CSMD1: variants seen among roughly 807,000 people sequenced by gnomAD.
The protein encoded by CSMD1 is CUB and Sushi multiple domains 1.
Under a neutral mutation model 417.5 loss-of-function variants are expected in CSMD1, and 213 were observed. The observed-to-expected ratio is 0.51, with a 90% CI of 0.46 to 0.57. The LOEUF is 0.57. Ranked by LOEUF, CSMD1 falls within the 20% of genes least tolerant of loss-of-function variation. CSMD1 has a pLI of 0.00. For missense variants in CSMD1, 6,923 were observed against 4,529.7 expected (o/e 1.53, Z -15.17); for synonymous variants, 2,862 against 1,736.8 (o/e 1.65, Z -16.11).
intron 1 of CSMD1, among the ~76,000 whole-genome samples, chr8:4,913,239 G>A (rs4311669): frequency 0.98 from 149,944 of 152,316 alleles, 73,840 homozygotes; most frequent in East Asian, 1. Flanking sequence ...ACTCCGTCAC[G>A]CAACACAAGT....
intron 3 of CSMD1, among the ~76,000 whole-genome samples, chr8:4,197,317 AC>A (rs1336466747): frequency 6.6e-6 from 1 of 152,242 alleles, no homozygotes; most frequent in African/African-American, 2.4e-5. Context: ...TTATACAACA[AC>A]CTGACTTGGC....
chr8:4,300,612 C>T (rs778533223), intron 3 of CSMD1, among the ~76,000 whole-genome samples: 1 of 152,052 alleles, frequency 6.6e-6, no homozygotes, highest in Non-Finnish European at 1.5e-5. Flanking sequence ...TATACATGTG[C>T]CATGCTGGTG....
chr8:4,365,901 A>G (rs757115162), intron 3 of CSMD1, among the ~76,000 whole-genome samples: 8 of 152,196 alleles, frequency 5.3e-5, no homozygotes, highest in Non-Finnish European at 8.8e-5. Flanking sequence ...AAAATATTTC[A>G]TCTTTAAAGT....
chr8:3,776,828 A>G (rs1798917115), intron 5 of CSMD1, among the ~76,000 whole-genome samples: 1 of 151,488 alleles, frequency 6.6e-6, no homozygotes, highest in African/African-American at 2.4e-5. Flanking sequence ...ATATATACAG[A>G]TGACAGATCA....
chr8:3,620,444 T>C (rs1478541868), intron 7 of CSMD1, among the ~76,000 whole-genome samples: 3 of 152,162 alleles, frequency 2.0e-5, no homozygotes, highest in Non-Finnish European at 4.4e-5. Context: ...TATTTAAAGA[T>C]AAATGCATAA....
chr8:4,055,978 C>G (rs1289311943), intron 3 of CSMD1, among the ~76,000 whole-genome samples: 1 of 151,984 alleles, frequency 6.6e-6, no homozygotes, highest in Non-Finnish European at 1.5e-5. Flanking sequence ...GAGTTTTCCC[C>G]TACTAGAAGG....
intron 11 of CSMD1, among the ~76,000 whole-genome samples, chr8:3,487,107 G>C (rs1398619323): frequency 6.6e-6 from 1 of 152,210 alleles, no homozygotes; most frequent in Admixed American, 6.5e-5. Flanking sequence ...AGAAGGCTAA[G>C]AGTGTACTAG....
chr8:4,603,936 A>G (rs963748982), intron 2 of CSMD1, among the ~76,000 whole-genome samples: 1 of 152,144 alleles, frequency 6.6e-6, no homozygotes, highest in Admixed American at 6.6e-5. Flanking sequence ...TTTGTAAATG[A>G]TCACTAATGT....
At position 3,511,753 on chromosome 8, in the gene CSMD1, C is replaced by G. The variant is rs547966956; in HGVS notation, c.1345-18027G>C. 3.1e-3 allele frequency among the ~76,000 whole-genome samples: 322 copies of G among 104,760 alleles called. 8 individuals are homozygous for G. The highest frequency in any genetic ancestry group is 0.012 in the African/African-American group (307 of 24,738). The allele number at this position is 104,760 out of a possible 152,430, so 68.7% of individuals were successfully genotyped here. On this transcript the variant is annotated intron_variant, in intron 10 of 69. Coordinates refer to ENST00000635120, the MANE Select transcript of CSMD1 (RefSeq NM_033225.6). ...CAGGGGTGACAGAGTGAGACTCCAT[C>G]TCTAAAAAAATAACATAACATAACA...
chr8:4,149,588 C>A (rs186911346), intron 3 of CSMD1, among the ~76,000 whole-genome samples: 338 of 152,260 alleles, frequency 2.2e-3, no homozygotes, highest in African/African-American at 7.7e-3. Context: ...CAGATTTATG[C>A]TAAAAGGGAA....
At position 3,862,165 on chromosome 8, in the gene CSMD1, AC is replaced by A. The variant is rs531139847; in HGVS notation, c.819-108124del. Among the ~76,000 whole-genome samples the A allele has an allele frequency of 4.7e-3, 719 of 152,206 alleles. 6 individuals carry two copies. Among genetic ancestry groups the A allele is most frequent in the Admixed American group, 6.6e-3 (101 of 15,278 alleles). ...TTAATTCAGTTCTCTATTGCCTTCT[AC>A]CTATACAACATCATAGCAGGTTTTT... is the stretch of plus-strand genomic sequence containing the variant. On this transcript the variant is annotated intron_variant, in intron 5 of 69. Coordinates refer to ENST00000635120, the MANE Select transcript of CSMD1 (RefSeq NM_033225.6).
chr8:3,266,228 C>A (rs1273430903), intron 26 of CSMD1, among the ~76,000 whole-genome samples: 3 of 150,568 alleles, frequency 2.0e-5, no homozygotes, highest in Non-Finnish European at 4.4e-5. Flanking sequence ...TCAGGGGGCT[C>A]CCGGGATGAT....
chr8:3,498,723 G>A (rs2100119), intron 10 of CSMD1, among the ~76,000 whole-genome samples: 112,780 of 151,984 alleles, frequency 0.74, 42,106 homozygotes, highest in Middle Eastern at 0.83. Flanking sequence ...GGCTTATTCC[G>A]AAAATCCTGT....
At chr8:4,459,883 G>T (rs1015330697) in intron 2 of CSMD1, among the ~76,000 whole-genome samples, 11 of 152,074 alleles carry the variant, frequency 7.2e-5, no homozygotes, top group African/African-American at 2.7e-4. Flanking sequence ...ATATAAAACA[G>T]AACCTGACAA....
intron 12 of CSMD1, among the ~76,000 whole-genome samples, chr8:3,412,973 G>C (rs575861178): frequency 6.6e-6 from 1 of 152,304 alleles, no homozygotes; most frequent in Admixed American, 6.5e-5. Context: ...AATCTGTGCA[G>C]TCAGGAGTCC....
At chr8:4,021,173 G>A (rs543962586) in intron 4 of CSMD1, among the ~76,000 whole-genome samples, 2 of 152,196 alleles carry the variant, frequency 1.3e-5, no homozygotes, top group Admixed American at 1.3e-4. Flanking sequence ...AATGTGGCTA[G>A]TCAGCATTGC....
chr8:4,311,944 G>C (rs1315706791), intron 3 of CSMD1, among the ~76,000 whole-genome samples: 7 of 151,850 alleles, frequency 4.6e-5, no homozygotes, highest in Admixed American at 4.6e-4. Context: ...ACCTTCACTT[G>C]TATCCCTAAA....
At chr8:3,380,669 C>T (rs535691627) in intron 18 of CSMD1, among the ~76,000 whole-genome samples, 4 of 152,100 alleles carry the variant, frequency 2.6e-5, no homozygotes, top group Non-Finnish European at 5.9e-5. Flanking sequence ...TGTTCTCACT[C>T]ATAAGAGGGA....
chr8:2,992,897 G>A (rs1264007019), intron 54 of CSMD1, among the ~76,000 whole-genome samples: 5 of 151,474 alleles, frequency 3.3e-5, no homozygotes, highest in African/African-American at 9.7e-5. Context: ...ACCTACCATC[G>A]CAGCTGGCTA....
Sources: gnomAD v4.1 joint callset for allele counts (sites outside exome capture counted in the v4.1 genomes callset) on GRCh38, gnomAD v4.1.1 for gene constraint, MANE v1.5 for transcripts, NCBI Gene and HGNC (gene_info 2026-07-23, HGNC 2026-07-21) for gene names.